The following CHD5 variants were observed in gnomAD, a reference collection of about 807,000 sequenced individuals.
CHD5 encodes the protein ATP-dependent chromatin remodeler CHD5.
Under a neutral mutation model 230.3 loss-of-function variants are expected in CHD5, and 69 were observed. The observed-to-expected ratio is 0.30, with a 90% CI of 0.25 to 0.37. CHD5 has a LOEUF of 0.37. CHD5 is among the 10% of genes least tolerant of loss of function. CHD5 has a pLI of 1.00. For synonymous variants in CHD5, 1,064 were observed against 1,065.9 expected, an observed-to-expected ratio of 1.00 and a Z score of 0.03; for missense variants, 1,827 against 2,622.8, an observed-to-expected ratio of 0.70 and a Z score of 6.63.
At position 6,102,171 on chromosome 1, in the gene CHD5, C is replaced by T. The variant is rs1666072277; in HGVS notation, c.*3303G>A. The T allele has an allele frequency of 3.9e-6, 1 of 259,340 alleles. No individual in the cohort carries two copies. The highest frequency in any genetic ancestry group is 6.2e-5 in the Admixed American group (1 of 16,082). 16.1% of individuals were successfully genotyped at this position (259,340 alleles called of 1,614,324 possible). A position where few individuals can be genotyped will look rare whatever the true frequency, so the allele number is the denominator to read the frequency against. On this transcript the variant is annotated 3_prime_UTR_variant, in exon 42 of 42. Transcript: ENST00000262450. ...TCTCCAGGGGTGCTTGGGCTCCAAT[C>T]GCTGCTTGAGGAGTTCAGGACACAC...
In CHD5 at chr1:6,125,940, G is replaced by A. The variant is rs1456787096; in HGVS notation, c.4079-82C>T. On this transcript the variant is annotated intron_variant, in intron 26 of 41. Coordinates refer to ENST00000262450, the MANE Select transcript of CHD5 (RefSeq NM_015557.3). The surrounding 1 kb of genome is among the most constrained non-coding windows in gnomAD (Gnocchi z 6.7). ...CAAGTTCAAGCATGCCCAGGGCCAC[G>A]CCGAGCCCCTGCACCCCAGCTCCAT... 1.8e-5 allele frequency: 18 copies of A among 1,008,578 alleles called. No individual in the cohort carries two copies. Among genetic ancestry groups the A allele is most frequent in the South Asian group, 1.2e-4 (9 of 76,452 alleles). The allele number at this position is 1,008,578 out of a possible 1,614,324, so 62.5% of individuals were successfully genotyped here. A position where few individuals can be genotyped will look rare whatever the true frequency, so the allele number is the denominator to read the frequency against.
chr1:6,116,240 AAT>A (rs535572731), intron 33 of CHD5, among the ~76,000 whole-genome samples: 6 of 151,302 alleles, frequency 4.0e-5, no homozygotes, highest in South Asian at 2.1e-4. Flanking sequence ...GCAGGCTCAA[AAT>A]ATATATATAT....
chr1:6,146,844 G>T lies in CHD5; in HGVS notation c.1411C>A (p.Arg471=). 2.0e-6 allele frequency: 3 copies of T among 1,531,928 alleles called. No individual in the cohort carries two copies. Among genetic ancestry groups the T allele is most frequent in the Non-Finnish European group, 2.6e-6 (3 of 1,137,770 alleles). 94.9% of individuals were successfully genotyped at this position (1,531,928 alleles called of 1,614,324 possible). ...TCPPLKGKVQ[R]ILHWRWTEPP... ...TCCGTCCACCTCCAGTGTAGAATCC[G>T]CTGGACTTTGCCCTTCAGTGGGGGG... Residue 471 remains arginine, a synonymous_variant, in exon 10 of 42, where the codon CGG becomes AGG. Coordinates refer to ENST00000262450, the MANE Select transcript of CHD5 (RefSeq NM_015557.3). The surrounding 1 kb of genome is among the most constrained non-coding windows in gnomAD (Gnocchi z 5.1).
At chr1:6,170,474 C>T (rs1006026890) in intron 1 of CHD5, among the ~76,000 whole-genome samples, 7 of 152,316 alleles carry the variant, frequency 4.6e-5, no homozygotes, top group Admixed American at 4.6e-4. Flanking sequence ...CCCACCCTTG[C>T]ATCCCACGGG....
intron 1 of CHD5, among the ~76,000 whole-genome samples, chr1:6,175,321 G>A (rs1366102690): frequency 6.6e-6 from 1 of 151,196 alleles, no homozygotes; most frequent in Non-Finnish European, 1.5e-5. Flanking sequence ...ATGGTGGATG[G>A]ATGAATGGAT....
At chr1:6,178,795 TA>T (rs1667464233) in intron 1 of CHD5, among the ~76,000 whole-genome samples, 1 of 152,006 alleles carries the variant, frequency 6.6e-6, no homozygotes, top group Non-Finnish European at 1.5e-5. Context: ...CTGGTGGGAA[TA>T]CCCTCCCCAG....
Position 6,134,865 on chromosome 1 carries a change from G to C in CHD5, c.2871-6C>G. 1 of 1,614,060 alleles carries C rather than the reference G, an allele frequency of 6.2e-7. No individual in the cohort carries two copies. The highest frequency in any genetic ancestry group is 8.5e-7 in the Non-Finnish European group (1 of 1,179,972). Reference sequence around the variant, plus strand: ...GGATGAACTTGTAGTACTTCCTGCAGCAGGGCACGAGGAAAGGCAGGCTGG... The same window carrying C: ...GGATGAACTTGTAGTACTTCCTGCACCAGGGCACGAGGAAAGGCAGGCTGG... On this transcript the variant is annotated splice_region_variant and splice_polypyrimidine_tract_variant and intron_variant, in intron 18 of 41. Coordinates refer to ENST00000262450, the MANE Select transcript of CHD5 (RefSeq NM_015557.3). This position sits in a 1 kb window ranked among gnomAD's most constrained non-coding sequence, Gnocchi z 6.3.
At chr1:6,106,151 G>T in intron 41 of CHD5, 83 bp downstream of exon 41, 1 of 1,281,260 alleles carries the variant, frequency 7.8e-7, no homozygotes, top group Non-Finnish European at 1.1e-6. Flanking sequence ...GGAGTCAAGT[G>T]CAGGGGCAGG....
chr1:6,153,307 G>A (rs1667034036), intron 5 of CHD5, among the ~76,000 whole-genome samples: 1 of 152,252 alleles, frequency 6.6e-6, no homozygotes, highest in Non-Finnish European at 1.5e-5. Context: ...GAGGAAATGA[G>A]AAAACAAGGC....
In CHD5 at chr1:6,126,571, C is replaced by A. The variant is rs780522435; in HGVS notation, c.4078+1G>T. On this transcript the variant is annotated splice_donor_variant, in intron 26 of 41. Transcript: ENST00000262450. LOFTEE classifies it high-confidence loss of function. The surrounding 1 kb of genome is among the most constrained non-coding windows in gnomAD (Gnocchi z 5.7). The stretch of plus-strand genomic sequence containing the variant: ...ACCAGTCCCTCCCTCCCGGCACGCA[C>A]CCTGGTCCTCCTGGGAGGCATCGTT... The A allele has an allele frequency of 6.2e-7, 1 of 1,612,658 alleles. No homozygotes were observed.
In CHD5 at chr1:6,121,314, T is replaced by C; in HGVS notation, c.4780-77A>G. On this transcript the variant is annotated intron_variant, in intron 32 of 41. Coordinates refer to ENST00000262450, the MANE Select transcript of CHD5 (RefSeq NM_015557.3). This position sits in a 1 kb window ranked among gnomAD's most constrained non-coding sequence, Gnocchi z 4.5. ...GGAGGGCGGGGAACGTGCGCTGGGC[T>C]GGGAACCCAGTCTCCTGGCTCCCGT... is the stretch of plus-strand genomic sequence containing the variant. The C allele has an allele frequency of 6.4e-7, 1 of 1,566,018 alleles. No individual in the cohort carries two copies. The highest frequency in any genetic ancestry group is 8.7e-7 in the Non-Finnish European group (1 of 1,154,290).
chr1:6,171,178 G>T (rs1213339876), intron 1 of CHD5, among the ~76,000 whole-genome samples: 1 of 152,248 alleles, frequency 6.6e-6, no homozygotes, highest in Non-Finnish European at 1.5e-5. Context: ...GCTGCCAGAA[G>T]TTCTGGAAGG....
chr1:6,112,227 C>T lies in CHD5; in HGVS notation c.5053G>A (p.Asp1685Asn). The change falls in exon 35 of 42, where the codon GAC becomes AAC. Residue 1685 changes from aspartate (D) to asparagine (N), a missense_variant. Physicochemically the swap from Asp to Asn is conservative, Grantham distance 23. Coordinates refer to ENST00000262450, the MANE Select transcript of CHD5 (RefSeq NM_015557.3). ...TTCCCCTCGTCATCTTCCTCTTTGT[C>T]ACCATTTTGCTGTGTTTCAATGGGC... Reference protein sequence around the residue: ...KEPIETQQNGDKEEDDEGKKE... With the variant: ...KEPIETQQNGNKEEDDEGKKE... 6.2e-7 allele frequency: 1 copy of T among 1,614,164 alleles called. No homozygotes were observed. The highest frequency in any genetic ancestry group is 8.5e-7 in the Non-Finnish European group (1 of 1,180,018).
chr1:6,127,919 G>A, intron 25 of CHD5, 127 bp downstream of exon 25: 2 of 793,700 alleles, frequency 2.5e-6, no homozygotes, highest in East Asian at 2.7e-5. Context: ...CTGGAGGGCG[G>A]GGTCACAGCT....
chr1:6,125,048 C>T lies in CHD5; in HGVS notation c.4394+52G>A. On this transcript the variant is annotated intron_variant, in intron 29 of 41. Coordinates refer to ENST00000262450, the MANE Select transcript of CHD5 (RefSeq NM_015557.3). This position sits in a 1 kb window ranked among gnomAD's most constrained non-coding sequence, Gnocchi z 6.7. ...TGTGGGGCTCACCCGCAGGACCCTG[C>T]CCTACTCAGGGGCAGGTGGTCACAC... is the stretch of plus-strand genomic sequence containing the variant. 1.3e-6 allele frequency: 2 copies of T among 1,486,340 alleles called. No homozygotes were observed. The highest frequency in any genetic ancestry group is 9.0e-7 in the Non-Finnish European group (1 of 1,110,882). The allele number at this position is 1,486,340 out of a possible 1,614,324, so 92.1% of individuals were successfully genotyped here.
intron 2 of CHD5, among the ~76,000 whole-genome samples, chr1:6,162,078 A>G (rs1170286507): frequency 1.3e-5 from 2 of 152,190 alleles, no homozygotes; most frequent in African/African-American, 4.8e-5. Flanking sequence ...AGAACCAGGG[A>G]GACTGTAAGA....
intron 17 of CHD5, among the ~76,000 whole-genome samples, 193 bp downstream of exon 17, chr1:6,136,324 A>T (rs1666745923): frequency 6.6e-6 from 1 of 152,208 alleles, no homozygotes; most frequent in South Asian, 2.1e-4. Context: ...AAACATTCCC[A>T]TGTGCCCACG....
Position 6,178,940 on chromosome 1 carries a change from G to A in CHD5, c.79+1005C>T, listed in dbSNP as rs1043710845. On this transcript the variant is annotated intron_variant, in intron 1 of 41. Transcript: ENST00000262450. Reference sequence around the variant, plus strand: ...CCTCCAGCCTCCCACAAGTCTCTCCGAAGTCCAGAGAGGCCACAGACTTGG... The same window carrying A: ...CCTCCAGCCTCCCACAAGTCTCTCCAAAGTCCAGAGAGGCCACAGACTTGG... Among the ~76,000 whole-genome samples, 11 of 152,176 alleles carry A rather than the reference G, an allele frequency of 7.2e-5. No individual in the cohort carries two copies. The East Asian group carries it at 1.9e-3, about 27-fold the overall frequency.
chr1:6,117,215 A>G (rs1666391652), intron 33 of CHD5, among the ~76,000 whole-genome samples: 1 of 152,218 alleles, frequency 6.6e-6, no homozygotes, highest in South Asian at 2.1e-4. Flanking sequence ...TTCCATCCAC[A>G]TATCTAGTTA....
Sources: allele counts gnomAD v4.1 joint callset (sites outside exome capture counted in the v4.1 genomes callset), GRCh38; gene constraint gnomAD v4.1.1; non-coding constraint Gnocchi (gnomAD v3.1); transcripts MANE v1.5; gene names NCBI Gene and HGNC (gene_info 2026-07-23, HGNC 2026-07-21).